The following CCDC178 variants were observed in gnomAD, a reference collection of about 807,000 sequenced individuals.
The protein encoded by CCDC178 is coiled-coil domain-containing protein 178.
Under a neutral mutation model 117.4 loss-of-function variants are expected in CCDC178, and 126 were observed. The observed-to-expected ratio is 1.07, with a 90% CI of 0.93 to 1.24. The LOEUF (loss-of-function observed/expected upper bound fraction) is 1.24, where lower values mean the gene tolerates loss of function less well. Among genes scored for constraint, CCDC178 ranks in the 50% most tolerant of loss-of-function variants. CCDC178 has a pLI of 0.00. For missense variants in CCDC178, 1,030 were observed against 986.9 expected (o/e 1.04, Z -0.59); for synonymous variants, 283 against 313.4 (o/e 0.90, Z 1.02).
At chr18:32,995,205 T>A (rs1200325231) in intron 21 of CCDC178, among the ~76,000 whole-genome samples, 1 of 152,152 alleles carries the variant, frequency 6.6e-6, no homozygotes, top group Non-Finnish European at 1.5e-5. Context: ...TGGCACATAA[T>A]TAAAACAACT....
chr18:33,170,441 G>C (rs1018717100), intron 20 of CCDC178, among the ~76,000 whole-genome samples: 1 of 151,974 alleles, frequency 6.6e-6, no homozygotes, highest in African/African-American at 2.4e-5. Context: ...TTATTAAAAC[G>C]AAATAATCAC....
chr18:33,018,900 A>G (rs954374671), intron 21 of CCDC178, among the ~76,000 whole-genome samples: 1 of 152,126 alleles, frequency 6.6e-6, no homozygotes, highest in Non-Finnish European at 1.5e-5. Context: ...ATTATATATC[A>G]ATAAGGCTGT....
chr18:33,319,612 G>A (rs562447666), intron 11 of CCDC178, among the ~76,000 whole-genome samples: 94 of 152,090 alleles, frequency 6.2e-4, no homozygotes, highest in African/African-American at 2.1e-3. Flanking sequence ...TTGAGGAATC[G>A]CCACACTGTC....
intron 11 of CCDC178, among the ~76,000 whole-genome samples, chr18:33,302,218 G>C (rs2062185903): frequency 6.6e-6 from 1 of 152,116 alleles, no homozygotes; most frequent in South Asian, 2.1e-4. Flanking sequence ...AGCTTCCTGA[G>C]GCCCTTTCCA....
chr18:33,087,243 A>G (rs2057393508), intron 21 of CCDC178, among the ~76,000 whole-genome samples: 1 of 152,174 alleles, frequency 6.6e-6, no homozygotes, highest in Non-Finnish European at 1.5e-5. Context: ...TATTGGACTG[A>G]ATAATTGGTT....
chr18:33,150,559 A>C (rs993969553), intron 20 of CCDC178, among the ~76,000 whole-genome samples: 3 of 152,198 alleles, frequency 2.0e-5, no homozygotes, highest in African/African-American at 7.2e-5. Flanking sequence ...AAAAGTGGTC[A>C]AAGGACATGA....
chr18:33,374,322 A>G (rs1045464491), intron 5 of CCDC178, among the ~76,000 whole-genome samples: 1 of 152,190 alleles, frequency 6.6e-6, no homozygotes, highest in Admixed American at 6.6e-5. Context: ...AATAGGCATA[A>G]GACTTGGACT....
At chr18:33,423,835 T>G (rs1476418763) in intron 2 of CCDC178, among the ~76,000 whole-genome samples, 1 of 152,220 alleles carries the variant, frequency 6.6e-6, no homozygotes, top group Non-Finnish European at 1.5e-5. Flanking sequence ...CTTAGAAAAC[T>G]CATTCCAAAC....
At chr18:33,064,682 C>T (rs1254218978) in intron 21 of CCDC178, among the ~76,000 whole-genome samples, 1 of 152,134 alleles carries the variant, frequency 6.6e-6, no homozygotes, top group Non-Finnish European at 1.5e-5. Context: ...TAAAATAGAA[C>T]TGTTATATAA....
chr18:32,986,832 C>A (rs1368183258), intron 21 of CCDC178, among the ~76,000 whole-genome samples: 1 of 151,868 alleles, frequency 6.6e-6, no homozygotes, highest in Non-Finnish European at 1.5e-5. Context: ...TTATGTATGT[C>A]TGAAGTTCAG....
intron 11 of CCDC178, among the ~76,000 whole-genome samples, chr18:33,305,407 A>G (rs2062234835): frequency 6.6e-6 from 1 of 152,102 alleles, no homozygotes; most frequent in Non-Finnish European, 1.5e-5. Flanking sequence ...GGTTGTGCAC[A>G]GGGATGCCTG....
intron 2 of CCDC178, among the ~76,000 whole-genome samples, chr18:33,432,142 C>G (rs971686802): frequency 1.3e-5 from 2 of 152,086 alleles, no homozygotes; most frequent in African/African-American, 4.8e-5. Context: ...CTGGTACTCT[C>G]AATGGAAGAG....
chr18:33,345,484 G>A (rs2062879519), intron 9 of CCDC178, among the ~76,000 whole-genome samples: 1 of 152,162 alleles, frequency 6.6e-6, no homozygotes, highest in African/African-American at 2.4e-5. Flanking sequence ...CCTGCTAGAA[G>A]TTCCCAAGGC....
intron 2 of CCDC178, among the ~76,000 whole-genome samples, chr18:33,416,338 A>G (rs1198527954): frequency 1.3e-5 from 2 of 151,932 alleles, no homozygotes; most frequent in Non-Finnish European, 2.9e-5. Flanking sequence ...GAGGCAGGAG[A>G]ATGGCGTGAA....
At chr18:33,111,711 G>A (rs1340183117) in intron 20 of CCDC178, among the ~76,000 whole-genome samples, 2 of 151,640 alleles carry the variant, frequency 1.3e-5, no homozygotes, top group Admixed American at 1.3e-4. Context: ...AATCATTTGT[G>A]TACTAGCTGT....
rs752414061 is a variant in CCDC178 at position 33,333,402 on chromosome 18, TAGA to T, written c.659-11_659-9del. 4 of 1,481,932 alleles carry T rather than the reference TAGA, an allele frequency of 2.7e-6. No homozygotes were observed. The highest frequency in any genetic ancestry group is 2.3e-5 in the East Asian group (1 of 43,336). 91.8% of individuals were successfully genotyped at this position (1,481,932 alleles called of 1,614,324 possible). On this transcript the variant is annotated splice_polypyrimidine_tract_variant and intron_variant, in intron 9 of 22. Coordinates refer to ENST00000383096, the MANE Select transcript of CCDC178 (RefSeq NM_001105528.4). ...TCAAATAGGCCTCATGTTCTAGATATAGAAGGATAAGAACAAAAGAAAATCTGA... is the reference window on the plus strand; with the variant it reads ...TCAAATAGGCCTCATGTTCTAGATATAGGATAAGAACAAAAGAAAATCTGA...
chr18:33,371,241 T>A (rs1314129041), intron 5 of CCDC178, among the ~76,000 whole-genome samples: 1 of 151,902 alleles, frequency 6.6e-6, no homozygotes, highest in African/African-American at 2.4e-5. Context: ...AAGTGTTCAG[T>A]CTATTCTACA....
Position 32,967,869 on chromosome 18 carries a change from T to A in CCDC178, c.2523+6678A>T, listed in dbSNP as rs181715882. Among the ~76,000 whole-genome samples, 544 of 151,476 alleles carry A rather than the reference T, an allele frequency of 3.6e-3. 23 individuals are homozygous for A. In the East Asian group the frequency reaches 0.082, roughly 23 times the overall value. ...TCATATATACTTTTGTTTTTTTTTT[T>A]AATTTTTTGATTGATCCATTATAAT... is the stretch of plus-strand genomic sequence containing the variant. On this transcript the variant is annotated intron_variant, in intron 22 of 22. Transcript: ENST00000383096.
At chr18:32,958,731 T>G (rs2054643750) in intron 22 of CCDC178, among the ~76,000 whole-genome samples, 1 of 152,182 alleles carries the variant, frequency 6.6e-6, no homozygotes, top group South Asian at 2.1e-4. Flanking sequence ...CTTTGAGCTT[T>G]CCTGACTTAA....
Sources: allele counts gnomAD v4.1 joint callset (sites outside exome capture counted in the v4.1 genomes callset), GRCh38; gene constraint gnomAD v4.1.1; transcripts MANE v1.5; gene names NCBI Gene and HGNC (gene_info 2026-07-23, HGNC 2026-07-21).